WWOX: variants seen among roughly 807,000 people sequenced by gnomAD.
The protein encoded by WWOX is WW domain-containing oxidoreductase.
In WWOX, 69 loss-of-function variants were observed where a neutral mutation model predicts 46.2. The observed-to-expected ratio is 1.49, with a 90% confidence interval of 1.23 to 1.82. The LOEUF (loss-of-function observed/expected upper bound fraction) is 1.82, where lower values mean the gene tolerates loss of function less well. Among genes scored for constraint, WWOX ranks in the 40% most tolerant of loss-of-function variants. The pLI is 0.00. For missense variants in WWOX, 919 were observed against 542.6 expected (o/e 1.69, Z -6.89); for synonymous variants, 359 against 202.6 (o/e 1.77, Z -6.56).
chr16:78,490,646 C>G (rs28568747), intron 8 of WWOX, among the ~76,000 whole-genome samples: 3,427 of 152,270 alleles, frequency 0.023, 108 homozygotes, highest in African/African-American at 0.062. Context: ...CAGATGTCCT[C>G]TTTGACTTGG....
At chr16:78,924,713 A>C (rs12925863) in intron 8 of WWOX, among the ~76,000 whole-genome samples, 37,766 of 152,148 alleles carry the variant, frequency 0.25, 5,532 homozygotes, top group South Asian at 0.39. Flanking sequence ...AATACCTTGA[A>C]TAAGTTTATA....
chr16:78,176,782 C>G (rs1036661452), intron 5 of WWOX, among the ~76,000 whole-genome samples: 1 of 152,126 alleles, frequency 6.6e-6, no homozygotes, highest in Non-Finnish European at 1.5e-5. Context: ...TTAAAATCTA[C>G]ATCAAATTGC....
At chr16:78,880,085 C>T (rs2044312597) in intron 8 of WWOX, among the ~76,000 whole-genome samples, 1 of 152,072 alleles carries the variant, frequency 6.6e-6, no homozygotes, top group South Asian at 2.1e-4. Flanking sequence ...ATACCGTATG[C>T]AACTTGTCAA....
chr16:78,678,792 A>T (rs1007282886), intron 8 of WWOX, among the ~76,000 whole-genome samples: 3 of 152,106 alleles, frequency 2.0e-5, no homozygotes, highest in South Asian at 2.1e-4. Context: ...GCCTGGGGTT[A>T]AGTGCTTTAC....
intron 8 of WWOX, among the ~76,000 whole-genome samples, chr16:78,878,901 G>GAAAAAAAA (rs111647544): frequency 6.9e-5 from 6 of 86,908 alleles, no homozygotes; most frequent in African/African-American, 8.8e-5. Flanking sequence ...ACAAAAAAAT[G>GAAAAAAAA]AAAAAAAAAA....
At chr16:78,979,185 C>A (rs1464484477) in intron 8 of WWOX, among the ~76,000 whole-genome samples, 1 of 151,868 alleles carries the variant, frequency 6.6e-6, no homozygotes, top group African/African-American at 2.4e-5. Context: ...ATGTGGCTTC[C>A]CCCGTTACAA....
intron 8 of WWOX, among the ~76,000 whole-genome samples, chr16:79,033,898 C>G (rs1276775147): frequency 1.3e-5 from 2 of 152,216 alleles, no homozygotes; most frequent in Non-Finnish European, 2.9e-5. Flanking sequence ...GTCGCACCAT[C>G]AAACAGGCAT....
intron 8 of WWOX, among the ~76,000 whole-genome samples, chr16:78,437,251 C>T (rs752046297): frequency 1.3e-5 from 2 of 152,202 alleles, no homozygotes; most frequent in Non-Finnish European, 2.9e-5. Context: ...CTTGCTGTGA[C>T]TACGGTGATT....
Position 78,704,842 on chromosome 16 carries a change from A to G in WWOX, c.1056+272090A>G, listed in dbSNP as rs546213427. On this transcript the variant is annotated intron_variant, in intron 8 of 8. Coordinates refer to ENST00000566780, the MANE Select transcript of WWOX (RefSeq NM_016373.4). Reference sequence around the variant, plus strand: ...GGCTGAGCAGTTTCAGAGCATTGACATTACGTGGCTTCTTTTGTGGGCCAC... The same window carrying G: ...GGCTGAGCAGTTTCAGAGCATTGACGTTACGTGGCTTCTTTTGTGGGCCAC... Among the ~76,000 whole-genome samples, 7 of 151,998 alleles carry G rather than the reference A, an allele frequency of 4.6e-5. No homozygotes were observed. In the South Asian group the frequency reaches 1.2e-3, roughly 27 times the overall value.
At chr16:78,764,217 G>A (rs1299890137) in intron 8 of WWOX, among the ~76,000 whole-genome samples, 4 of 152,014 alleles carry the variant, frequency 2.6e-5, no homozygotes, top group African/African-American at 9.7e-5. Context: ...ACCCTGTTTT[G>A]AAGTGCGGCC....
intron 5 of WWOX, among the ~76,000 whole-genome samples, chr16:78,378,072 G>A (rs988219231): frequency 6.6e-6 from 1 of 151,982 alleles, no homozygotes; most frequent in African/African-American, 2.4e-5. Flanking sequence ...GTTAGGAATG[G>A]CAAACTCAGC....
intron 5 of WWOX, chr16:78,355,763 C>G (rs1371362505): frequency 4.3e-6 from 3 of 699,468 alleles, no homozygotes; most frequent in South Asian, 1.4e-5. Context: ...ATCAACAAAA[C>G]AGAATATTCC....
At chr16:79,020,115 A>C (rs923641587) in intron 8 of WWOX, among the ~76,000 whole-genome samples, 3 of 152,290 alleles carry the variant, frequency 2.0e-5, no homozygotes, top group African/African-American at 7.2e-5. Context: ...AACAACTACT[A>C]CATGCTAGAT....
rs1476909082 is a variant in WWOX, at chr16:78,349,635, C to A, written c.517-37225C>A. 5.8e-5 allele frequency among the ~76,000 whole-genome samples: 7 copies of A among 120,172 alleles called. No homozygotes were observed. The East Asian group carries it at 1.2e-3, about 20-fold the overall frequency. The allele number at this position is 120,172 out of a possible 152,430, so 78.8% of individuals were successfully genotyped here. On this transcript the variant is annotated intron_variant, in intron 5 of 8. Coordinates refer to ENST00000566780, the MANE Select transcript of WWOX (RefSeq NM_016373.4). The stretch of plus-strand genomic sequence containing the variant: ...CCGTTTATCCATGGATTGGTATGAG[C>A]CCTAATGGTGCACCCTTCCGACAAT...
At chr16:78,158,963 A>G (rs1829263612) in intron 4 of WWOX, among the ~76,000 whole-genome samples, 1 of 151,972 alleles carries the variant, frequency 6.6e-6, no homozygotes, top group Non-Finnish European at 1.5e-5. Context: ...TGCCTACACC[A>G]TTCTATTTTT....
intron 8 of WWOX, among the ~76,000 whole-genome samples, chr16:79,141,397 G>C (rs140632635): frequency 3.8e-3 from 581 of 152,314 alleles, no homozygotes; most frequent in Middle Eastern, 6.8e-3. Context: ...TCCTGAGGCT[G>C]TGTCACAGGT....
chr16:78,378,371 GC>G (rs922310795), intron 5 of WWOX, among the ~76,000 whole-genome samples: 7 of 152,088 alleles, frequency 4.6e-5, no homozygotes, highest in Non-Finnish European at 8.8e-5. Flanking sequence ...CATCAGACTG[GC>G]ACATGGTGCT....
chr16:78,657,981 A>C (rs983855954), intron 8 of WWOX, among the ~76,000 whole-genome samples: 1 of 151,758 alleles, frequency 6.6e-6, no homozygotes, highest in African/African-American at 2.4e-5. Context: ...AGTGACTTTG[A>C]TTTTTCACTT....
intron 5 of WWOX, among the ~76,000 whole-genome samples, chr16:78,222,012 C>T (rs571993184): frequency 4.6e-5 from 7 of 152,142 alleles, no homozygotes; most frequent in East Asian, 3.9e-4. Flanking sequence ...AAACTTCTGC[C>T]GAGAAAAGAA....
Sources: gnomAD v4.1 joint callset for allele counts (sites outside exome capture counted in the v4.1 genomes callset) on GRCh38, gnomAD v4.1.1 for gene constraint, MANE v1.5 for transcripts, NCBI Gene and HGNC (gene_info 2026-07-23, HGNC 2026-07-21) for gene names.